The following RCOR1 variants were observed in gnomAD, a reference collection of about 807,000 sequenced individuals.
The protein encoded by RCOR1 is REST corepressor.
A neutral mutation model predicts 64.0 loss-of-function variants in RCOR1; 12 were observed. The ratio of observed to expected loss-of-function variants is 0.19; its 90% confidence interval spans 0.12 to 0.30. The LOEUF (loss-of-function observed/expected upper bound fraction) is 0.30, where lower values mean the gene tolerates loss of function less well. Ranked by LOEUF, RCOR1 falls within the 10% of genes least tolerant of loss-of-function variation. The pLI, the probability that RCOR1 is intolerant of heterozygous loss-of-function variation, is 1.00. For synonymous variants in RCOR1, 279 were observed against 227.2 expected, an observed-to-expected ratio of 1.23 and a Z score of -2.05; for missense variants, 502 against 621.2, an observed-to-expected ratio of 0.81 and a Z score of 2.04.
chr14:102,601,381 T>C (rs1386527062), intron 2 of RCOR1, among the ~76,000 whole-genome samples: 1 of 152,236 alleles, frequency 6.6e-6, no homozygotes, highest in East Asian at 1.9e-4. Flanking sequence ...GCCTTCTTTC[T>C]TCATTAATTC....
At chr14:102,666,442 A>G (rs936655158) in intron 2 of RCOR1, among the ~76,000 whole-genome samples, 38 of 152,210 alleles carry the variant, frequency 2.5e-4, no homozygotes, top group African/African-American at 9.2e-4. Flanking sequence ...AGTATGGTAC[A>G]TTTGTTACAA....
At chr14:102,691,426 A>C (rs1895531221) in intron 3 of RCOR1, among the ~76,000 whole-genome samples, 1 of 152,214 alleles carries the variant, frequency 6.6e-6, no homozygotes, top group African/African-American at 2.4e-5. Flanking sequence ...ACAAACCTGC[A>C]CACGTGCCCC....
intron 2 of RCOR1, among the ~76,000 whole-genome samples, chr14:102,597,819 TTTTTTTTTTTTTGAGATGGAG>T (rs1422340702): frequency 6.8e-6 from 1 of 146,488 alleles, no homozygotes; most frequent in Non-Finnish European, 1.5e-5. Context: ...TTTTTGCAAT[TTTTTTTTTTTTTGAGATGGAG>T]TTTTTTTCTC....
intron 5 of RCOR1, 149 bp downstream of exon 5, chr14:102,707,661 C>T: frequency 1.5e-6 from 1 of 678,270 alleles, no homozygotes; most frequent in Non-Finnish European, 2.4e-6. Flanking sequence ...ACATGCTGCT[C>T]TGTGGATGGG....
chr14:102,662,443 C>G (rs1894842714), intron 2 of RCOR1: 1 of 549,282 alleles, frequency 1.8e-6, no homozygotes. Flanking sequence ...TGTCCTCGCT[C>G]TTCTTCATGG....
chr14:102,697,298 C>T (rs1253178308), intron 3 of RCOR1, among the ~76,000 whole-genome samples: 1 of 152,222 alleles, frequency 6.6e-6, no homozygotes, highest in East Asian at 1.9e-4. Context: ...CATAGTCATA[C>T]AGTGCTGACT....
chr14:102,721,430 C>G, intron 10 of RCOR1, 53 bp downstream of exon 10: 3 of 1,327,178 alleles, frequency 2.3e-6, no homozygotes, highest in Non-Finnish European at 3.2e-6. Flanking sequence ...GTGGCTCACA[C>G]CTGTAATCCC....
intron 2 of RCOR1, chr14:102,657,924 G>A (rs1894758847): frequency 2.0e-6 from 2 of 984,378 alleles, no homozygotes; most frequent in African/African-American, 1.8e-5. Flanking sequence ...TCTGAAACAA[G>A]TGAAAGAGTT....
intron 2 of RCOR1, among the ~76,000 whole-genome samples, chr14:102,651,644 A>G (rs1425909347): frequency 6.6e-6 from 1 of 152,148 alleles, no homozygotes; most frequent in Admixed American, 6.5e-5. Context: ...TATGTATCTT[A>G]TTTTTTGGCT....
chr14:102,605,310 A>G (rs960689070), intron 2 of RCOR1, among the ~76,000 whole-genome samples: 8 of 152,160 alleles, frequency 5.3e-5, no homozygotes, highest in African/African-American at 1.9e-4. Context: ...TTATTCCTGC[A>G]TGTATGTTGA....
At chr14:102,671,975 G>A (rs1272219447) in intron 2 of RCOR1, among the ~76,000 whole-genome samples, 1 of 152,018 alleles carries the variant, frequency 6.6e-6, no homozygotes, top group Non-Finnish European at 1.5e-5. Flanking sequence ...ACTTAGCATA[G>A]TGTTTCAAGT....
chr14:102,723,501 G>A (rs192098202), intron 11 of RCOR1, among the ~76,000 whole-genome samples: 2 of 152,280 alleles, frequency 1.3e-5, no homozygotes, highest in Admixed American at 1.3e-4. Flanking sequence ...AGAGCCTTTT[G>A]CCAGAAAATC....
Position 102,710,993 on chromosome 14 carries a change from A to C in RCOR1, c.838A>C (p.Asn280His). 1.2e-6 allele frequency: 2 copies of C among 1,606,660 alleles called. No homozygotes were observed. Among genetic ancestry groups the C allele is most frequent in the Non-Finnish European group, 8.5e-7 (1 of 1,178,206 alleles). ...NNPIDIEVDQ[N>H]KESKKEVPPT... ...TCCCATTGACATTGAGGTTGATCAA[A>C]ACAAGGAAAGCAAAAAGGAGGTATT... Residue 280 changes from asparagine to histidine, a missense_variant, in exon 7 of 12, where the codon AAC (asparagine) becomes CAC (histidine). Physicochemically the swap from Asn to His is moderately conservative, Grantham distance 68. Coordinates refer to ENST00000262241, the MANE Select transcript of RCOR1 (RefSeq NM_015156.4).
chr14:102,695,175 T>A (rs186313762), intron 3 of RCOR1, among the ~76,000 whole-genome samples: 3 of 152,334 alleles, frequency 2.0e-5, no homozygotes, highest in Admixed American at 2.0e-4. Context: ...ATTTCGTTCA[T>A]TGAATTAAAA....
At chr14:102,593,841 G>T (rs1448718179) in intron 2 of RCOR1, among the ~76,000 whole-genome samples, 2 of 152,182 alleles carry the variant, frequency 1.3e-5, no homozygotes, top group Non-Finnish European at 2.9e-5. Context: ...GCGAGTAGAA[G>T]AACGACCCCC....
At chr14:102,593,393 G>T in intron 2 of RCOR1, 68 bp downstream of exon 2, 1 of 1,420,424 alleles carries the variant, frequency 7.0e-7, no homozygotes. Flanking sequence ...GCGAGCCCGA[G>T]GGGGCGGGAG....
intron 2 of RCOR1, among the ~76,000 whole-genome samples, chr14:102,628,220 C>T (rs1465758020): frequency 1.3e-5 from 2 of 152,150 alleles, no homozygotes; most frequent in East Asian, 3.8e-4. Flanking sequence ...TTAAGGAGGG[C>T]AGTCTGCTTT....
chr14:102,667,307 C>T (rs894910400), intron 2 of RCOR1, among the ~76,000 whole-genome samples: 1 of 152,062 alleles, frequency 6.6e-6, no homozygotes, highest in Non-Finnish European at 1.5e-5. Context: ...TCGAGACCAG[C>T]CTGGCCAACA....
rs116421250 is a variant in RCOR1 at position 102,723,035 on chromosome 14, C to G, written c.1419+619C>G. ...TGCTTCCTGTGTCAGGGGCACCTGC[C>G]ATTTCCCCATCTAGCCTGGCCTGCC... On this transcript the variant is annotated intron_variant, in intron 11 of 11. Coordinates refer to ENST00000262241, the MANE Select transcript of RCOR1 (RefSeq NM_015156.4). 3.2e-3 allele frequency among the ~76,000 whole-genome samples: 489 copies of G among 152,356 alleles called. 3 individuals carry two copies. Among genetic ancestry groups the G allele is most frequent in the African/African-American group, 0.011 (437 of 41,582 alleles).
Sources: gnomAD v4.1 joint callset for allele counts (sites outside exome capture counted in the v4.1 genomes callset) on GRCh38, gnomAD v4.1.1 for gene constraint, MANE v1.5 for transcripts, NCBI Gene and HGNC (gene_info 2026-07-23, HGNC 2026-07-21) for gene names.